Variants in LAPTM4B observed in about 807,000 individuals in gnomAD.
LAPTM4B encodes lysosomal protein transmembrane 4 beta.
A neutral mutation model predicts 28.5 loss-of-function variants in LAPTM4B; 26 were observed. The ratio of observed to expected loss-of-function variants is 0.91; its 90% CI spans 0.67 to 1.27. LAPTM4B has a LOEUF of 1.27. Ranked by LOEUF, LAPTM4B falls within the 50% of genes most tolerant of loss-of-function variation. LAPTM4B has a pLI of 0.00. For synonymous variants in LAPTM4B, 109 were observed against 106.4 expected (o/e 1.02, Z -0.15); for missense variants, 288 against 285.8 (o/e 1.01, Z -0.06).
chr8:97,783,977 G>A (rs1196867554), intron 1 of LAPTM4B, among the ~76,000 whole-genome samples: 1 of 152,078 alleles, frequency 6.6e-6, no homozygotes, highest in African/African-American at 2.4e-5. Flanking sequence ...GTTGTAGAAG[G>A]GGGAGAATTT....
rs111949055 is a variant in LAPTM4B at position 97,787,675 on chromosome 8, A to G, written c.99+11567A>G. On this transcript the variant is annotated intron_variant, in intron 1 of 6. Transcript: ENST00000521545. ...TAAAGAATACAAGTCCTTTAACTCC[A>G]GTCGTTTCTCTCTTGTATTTTAGTG... Among the ~76,000 whole-genome samples, 408 of 152,284 alleles carry G rather than the reference A, an allele frequency of 2.7e-3. 4 individuals are homozygous for G. The highest frequency in any genetic ancestry group is 9.3e-3 in the African/African-American group (387 of 41,548).
intron 1 of LAPTM4B, among the ~76,000 whole-genome samples, chr8:97,786,494 G>A (rs1240583580): frequency 1.3e-5 from 2 of 151,380 alleles, no homozygotes; most frequent in Admixed American, 6.6e-5. Flanking sequence ...ATGAGGTTCC[G>A]AGTTCGAGAC....
intron 6 of LAPTM4B, among the ~76,000 whole-genome samples, chr8:97,850,014 T>C (rs891823043): frequency 7.9e-5 from 12 of 151,852 alleles, no homozygotes; most frequent in Non-Finnish European, 1.3e-4. Flanking sequence ...GCGGGAAGCC[T>C]CTCCACTGTC....
rs770446490 is a variant in LAPTM4B, at chr8:97,815,347, G to T, written c.231G>T (p.Ala77=). The stretch of plus-strand genomic sequence containing the variant: ...CGGCAGACATGTGCATTGCCATTGC[G>T]ATTTCTCTTCTCATGATCCTGATAT... ...MDDANMCIAI[A]ISLLMILICA... is the part of the protein sequence containing the mutation. The change falls in exon 3 of 7, where the codon GCG becomes GCT. Residue 77 remains alanine (A), a synonymous_variant. Transcript: ENST00000521545. 7 of 1,613,830 alleles carry T rather than the reference G, an allele frequency of 4.3e-6. No individual in the cohort carries two copies. The South Asian group carries it at 6.6e-5, about 15-fold the overall frequency.
At chr8:97,830,225 T>G (rs995556768) in intron 6 of LAPTM4B, among the ~76,000 whole-genome samples, 13 of 151,860 alleles carry the variant, frequency 8.6e-5, no homozygotes, top group African/African-American at 2.9e-4. Flanking sequence ...TGATGGTATG[T>G]TGGAGATAAT....
chr8:97,843,548 C>T (rs1382859514), intron 6 of LAPTM4B, among the ~76,000 whole-genome samples: 3 of 152,084 alleles, frequency 2.0e-5, no homozygotes, highest in African/African-American at 4.8e-5. Context: ...GAGGCTGAAG[C>T]GAGCAGGTCA....
intron 1 of LAPTM4B, among the ~76,000 whole-genome samples, chr8:97,785,564 C>T (rs1400218149): frequency 2.0e-5 from 3 of 152,146 alleles, no homozygotes; most frequent in East Asian, 1.9e-4. Context: ...AGGATTGCAA[C>T]CCCAGAATAT....
chr8:97,786,336 A>G (rs140951652), intron 1 of LAPTM4B, among the ~76,000 whole-genome samples: 1 of 152,016 alleles, frequency 6.6e-6, no homozygotes, highest in East Asian at 1.9e-4. Context: ...TCTCAGGAAA[A>G]TATGTGGGAG....
intron 6 of LAPTM4B, among the ~76,000 whole-genome samples, chr8:97,849,295 C>T (rs995609717): frequency 1.1e-4 from 17 of 152,180 alleles, no homozygotes; most frequent in African/African-American, 4.1e-4. Context: ...TTGAGTTTTA[C>T]CTGTGTCTGC....
At chr8:97,814,100 C>G (rs1487542300) in intron 2 of LAPTM4B, among the ~76,000 whole-genome samples, 2 of 152,028 alleles carry the variant, frequency 1.3e-5, no homozygotes, top group Non-Finnish European at 2.9e-5. Context: ...GCCTATAATC[C>G]CATAGTGACA....
At chr8:97,776,388 C>T (rs1362089914) in intron 1 of LAPTM4B, among the ~76,000 whole-genome samples, 3 of 152,226 alleles carry the variant, frequency 2.0e-5, no homozygotes, top group Non-Finnish European at 4.4e-5. Context: ...CGATCTCCAG[C>T]CTCCGCGCAG....
chr8:97,812,227 G>GTTTT (rs55878345), intron 2 of LAPTM4B, among the ~76,000 whole-genome samples: 1 of 89,102 alleles, frequency 1.1e-5, no homozygotes, highest in Non-Finnish European at 2.1e-5. Context: ...GTTGTTTTTT[G>GTTTT]TTTTTTTTTT....
intron 1 of LAPTM4B, among the ~76,000 whole-genome samples, chr8:97,781,359 A>G (rs1816310558): frequency 7.4e-6 from 1 of 134,862 alleles, no homozygotes; most frequent in South Asian, 2.3e-4. Context: ...AGCTCACTGC[A>G]ACCTTCGCCT....
At chr8:97,805,221 G>A (rs1816740999) in intron 1 of LAPTM4B, 132 bp from the exon 2 acceptor site, 3 of 606,984 alleles carry the variant, frequency 4.9e-6, no homozygotes, top group Non-Finnish European at 8.7e-6. Flanking sequence ...GGGGCTTAGT[G>A]TTGAGAGTCA....
chr8:97,791,473 G>A (rs1816498619), intron 1 of LAPTM4B, among the ~76,000 whole-genome samples: 1 of 152,126 alleles, frequency 6.6e-6, no homozygotes, highest in African/African-American at 2.4e-5. Flanking sequence ...ACGTAATGGT[G>A]TCTTAGCCTG....
intron 6 of LAPTM4B, among the ~76,000 whole-genome samples, chr8:97,839,924 G>C (rs1817318990): frequency 6.6e-6 from 1 of 152,218 alleles, no homozygotes. Flanking sequence ...TGGAGTAGGG[G>C]AGGCAGGTGA....
chr8:97,844,120 G>A (rs930332742), intron 6 of LAPTM4B, among the ~76,000 whole-genome samples: 1 of 151,676 alleles, frequency 6.6e-6, no homozygotes, highest in Non-Finnish European at 1.5e-5. Flanking sequence ...GGGGAGAGGG[G>A]GGTCTCTGTC....
At chr8:97,818,232 C>T (rs1816952528) in intron 4 of LAPTM4B, among the ~76,000 whole-genome samples, 1 of 152,224 alleles carries the variant, frequency 6.6e-6, no homozygotes, top group Non-Finnish European at 1.5e-5. Context: ...GTGGTGTTCA[C>T]CCTGGTGAGC....
chr8:97,819,956 C>T (rs920544759), intron 5 of LAPTM4B, among the ~76,000 whole-genome samples: 3 of 151,998 alleles, frequency 2.0e-5, no homozygotes, highest in East Asian at 1.9e-4. Context: ...AGGATGGTCT[C>T]GATCTCCTGA....
Sources: gnomAD v4.1 joint callset for allele counts (sites outside exome capture counted in the v4.1 genomes callset) on GRCh38, gnomAD v4.1.1 for gene constraint, MANE v1.5 for transcripts, NCBI Gene and HGNC (gene_info 2026-07-23, HGNC 2026-07-21) for gene names.